Variants in SBF2 observed in about 807,000 individuals in gnomAD.
SBF2 encodes myotubularin-related protein 13.
A neutral mutation model predicts 225.2 loss-of-function variants in SBF2; 112 were observed. The ratio of observed to expected loss-of-function variants is 0.50; its 90% CI spans 0.43 to 0.58. The LOEUF (loss-of-function observed/expected upper bound fraction) is 0.58, where lower values mean the gene tolerates loss of function less well. SBF2 is among the 20% of genes least tolerant of loss of function. SBF2 has a pLI of 0.00. For missense variants in SBF2, 1,996 were observed against 2,206.2 expected (o/e 0.90, Z 1.91); for synonymous variants, 763 against 773.3 (o/e 0.99, Z 0.22).
intron 16 of SBF2, among the ~76,000 whole-genome samples, chr11:9,919,265 T>C (rs1407687551): frequency 9.2e-6 from 1 of 108,942 alleles, no homozygotes; most frequent in Non-Finnish European, 2.0e-5. Flanking sequence ...CTTCTTCTTC[T>C]TCTTCTTTTT....
chr11:9,913,329 T>C (rs2134194742), intron 16 of SBF2, among the ~76,000 whole-genome samples: 1 of 152,152 alleles, frequency 6.6e-6, no homozygotes, highest in Middle Eastern at 3.4e-3. Context: ...GAAAAATTGC[T>C]CAACTTCAGT....
intron 22 of SBF2, among the ~76,000 whole-genome samples, chr11:9,847,671 C>T (rs1856649561): frequency 6.6e-6 from 1 of 152,096 alleles, no homozygotes; most frequent in South Asian, 2.1e-4. Flanking sequence ...CAAGCCTGGA[C>T]TTAAGCGCAA....
At chr11:10,010,525 T>C (rs1948400991) in intron 6 of SBF2, among the ~76,000 whole-genome samples, 1 of 152,184 alleles carries the variant, frequency 6.6e-6, no homozygotes, top group Non-Finnish European at 1.5e-5. Context: ...TTTTGTCAGG[T>C]TTGTCAAAGA....
intron 17 of SBF2, 38 bp downstream of exon 17, chr11:9,895,905 A>T: frequency 6.9e-7 from 1 of 1,442,330 alleles, no homozygotes; most frequent in Non-Finnish European, 9.8e-7. Flanking sequence ...CATTTATGTA[A>T]ATCATAACAA....
At chr11:10,112,972 T>C (rs1403764159) in intron 2 of SBF2, among the ~76,000 whole-genome samples, 1 of 152,224 alleles carries the variant, frequency 6.6e-6, no homozygotes, top group African/African-American at 2.4e-5. Context: ...TTGTATCTCA[T>C]AGAGATCATT....
At chr11:9,842,939 T>G (rs1481396142) in intron 24 of SBF2, among the ~76,000 whole-genome samples, 169 bp from the exon 25 acceptor site, 1 of 152,342 alleles carries the variant, frequency 6.6e-6, no homozygotes, top group Non-Finnish European at 1.5e-5. Flanking sequence ...GGCAGTAGAC[T>G]AATTTCCCAT....
At chr11:10,227,651 T>C (rs923844833) in intron 1 of SBF2, among the ~76,000 whole-genome samples, 1 of 152,218 alleles carries the variant, frequency 6.6e-6, no homozygotes, top group Non-Finnish European at 1.5e-5. Flanking sequence ...GCATTATTTC[T>C]GAGGGCTCTG....
intron 2 of SBF2, among the ~76,000 whole-genome samples, chr11:10,093,139 C>T (rs979608637): frequency 3.3e-5 from 5 of 151,736 alleles, no homozygotes; most frequent in African/African-American, 1.2e-4. Flanking sequence ...GCCTTAGCCT[C>T]CCAAGCAGCT....
At chr11:10,131,832 G>A (rs1476883119) in intron 2 of SBF2, among the ~76,000 whole-genome samples, 10 of 152,072 alleles carry the variant, frequency 6.6e-5, no homozygotes, top group Non-Finnish European at 1.5e-4. Flanking sequence ...TCATTACAGG[G>A]TATTTAGCAC....
At chr11:10,070,059 CT>C (rs1172545200) in intron 2 of SBF2, among the ~76,000 whole-genome samples, 3 of 152,118 alleles carry the variant, frequency 2.0e-5, no homozygotes, top group Non-Finnish European at 4.4e-5. Flanking sequence ...GATATTAGCC[CT>C]TTGTCAGATG....
chr11:10,029,670 A>C, intron 5 of SBF2, 95 bp downstream of exon 5: 1 of 926,444 alleles, frequency 1.1e-6, no homozygotes, highest in Non-Finnish European at 1.8e-6. Context: ...AAATATTTAA[A>C]GAATTATTTC....
chr11:9,919,008 C>T (rs984993621), intron 16 of SBF2, among the ~76,000 whole-genome samples: 1 of 152,064 alleles, frequency 6.6e-6, no homozygotes, highest in Non-Finnish European at 1.5e-5. Flanking sequence ...TCCCAAAGTG[C>T]TGGGATTACA....
chr11:10,058,182 G>A (rs556648799), intron 2 of SBF2, among the ~76,000 whole-genome samples: 6 of 152,234 alleles, frequency 3.9e-5, no homozygotes, highest in South Asian at 4.1e-4. Context: ...ATGGATTGAC[G>A]AATAGAATTC....
intron 19 of SBF2, 119 bp from the exon 20 acceptor site, chr11:9,853,831 A>C: frequency 1.1e-6 from 1 of 926,540 alleles, no homozygotes; most frequent in Non-Finnish European, 1.8e-6. Context: ...CTCAAGTAGA[A>C]GGCTCACTTA....
intron 26 of SBF2, chr11:9,839,192 G>C: frequency 2.6e-6 from 1 of 386,816 alleles, no homozygotes; most frequent in Non-Finnish European, 4.9e-6. Flanking sequence ...TATTGGGCTG[G>C]GAAAATCCTG....
chr11:9,783,881 A>ATGTT lies in SBF2; in HGVS notation c.5319+466_5319+469dup, dbSNP rs547919032. ...TGGGCACAGAGGTGGTGTTCGATAA[A>ATGTT]TGTTTGTAGAATAAATTAATGCCCT... On this transcript the variant is annotated intron_variant, in intron 38 of 39. Transcript: ENST00000256190. Among the ~76,000 whole-genome samples, 23 of 152,204 alleles carry ATGTT rather than the reference A, an allele frequency of 1.5e-4. No individual in the cohort carries two copies. In the South Asian group the frequency reaches 1.7e-3, roughly 11 times the overall value.
chr11:10,043,095 T>A lies in SBF2; in HGVS notation c.142-114A>T, dbSNP rs551994067. On this transcript the variant is annotated intron_variant, in intron 2 of 39. Transcript: ENST00000256190. ...TAACAAATTCCTACCTGATGTGGTA[T>A]GAGTCTAAAGCCAACATTTAAAAAA... is the stretch of plus-strand genomic sequence containing the variant. The A allele has an allele frequency of 8.6e-5, 90 of 1,044,170 alleles. No homozygotes were observed. The South Asian group carries it at 1.2e-3, about 14-fold the overall frequency. 64.7% of individuals were successfully genotyped at this position (1,044,170 alleles called of 1,614,324 possible). A position where few individuals can be genotyped will look rare whatever the true frequency, so the allele number is the denominator to read the frequency against.
Position 10,100,671 on chromosome 11 carries a change from C to T in SBF2, c.142-57690G>A, listed in dbSNP as rs114287799. ...TGGTGAGTATCCTAGGTACTGCCCA[C>T]ACCTCCTTCCTTCTCCTGATCAGTT... On this transcript the variant is annotated intron_variant, in intron 2 of 39. Transcript: ENST00000256190. Among the ~76,000 whole-genome samples, 579 of 152,254 alleles carry T rather than the reference C, an allele frequency of 3.8e-3. 5 individuals are homozygous for T. Among genetic ancestry groups the T allele is most frequent in the African/African-American group, 0.013 (549 of 41,548 alleles).
chr11:10,161,803 C>CA (rs199788037), intron 2 of SBF2, among the ~76,000 whole-genome samples: 41,665 of 139,108 alleles, frequency 0.3, 7,116 homozygotes, highest in Non-Finnish European at 0.38. Context: ...TCCTTCTCTA[C>CA]AAAAAAAAAA....
Sources: allele counts gnomAD v4.1 joint callset (sites outside exome capture counted in the v4.1 genomes callset), GRCh38; gene constraint gnomAD v4.1.1; transcripts MANE v1.5; gene names NCBI Gene and HGNC (gene_info 2026-07-23, HGNC 2026-07-21).